Variants in COL25A1 observed in about 807,000 individuals in gnomAD.
The protein encoded by COL25A1 is collagen alpha-1(XXV) chain.
COL25A1 carries 103 observed loss-of-function variants against 128.4 expected under a neutral mutation model. The ratio of observed to expected loss-of-function variants is 0.80; its 90% CI spans 0.68 to 0.94. The LOEUF (loss-of-function observed/expected upper bound fraction) is 0.94. Ranked by LOEUF, COL25A1 falls within the 40% of genes least tolerant of loss-of-function variation. The probability of loss-of-function intolerance (pLI) is 0.00; values close to 1 mark genes in which losing one functional copy is unlikely to be tolerated. For synonymous variants in COL25A1, 279 were observed against 277.2 expected (o/e 1.01, Z -0.06); for missense variants, 745 against 840.0 (o/e 0.89, Z 1.40).
intron 5 of COL25A1, among the ~76,000 whole-genome samples, chr4:109,029,572 T>C (rs1256833937): frequency 6.6e-6 from 1 of 152,198 alleles, no homozygotes; most frequent in Non-Finnish European, 1.5e-5. Flanking sequence ...CTGTAGCTAA[T>C]TTATAAGTTA....
At chr4:108,818,686 T>C (rs529511867) in intron 36 of COL25A1, among the ~76,000 whole-genome samples, 4 of 151,990 alleles carry the variant, frequency 2.6e-5, no homozygotes, top group Non-Finnish European at 5.9e-5. Flanking sequence ...AAGAAGAAGG[T>C]TGGGGCTGCA....
intron 6 of COL25A1, among the ~76,000 whole-genome samples, chr4:109,002,110 G>A (rs1755489381): frequency 6.6e-6 from 1 of 152,192 alleles, no homozygotes; most frequent in African/African-American, 2.4e-5. Flanking sequence ...ACGGTTGGTA[G>A]GGATGTCAAT....
At chr4:108,983,107 C>T (rs554087499) in intron 6 of COL25A1, among the ~76,000 whole-genome samples, 10 of 152,166 alleles carry the variant, frequency 6.6e-5, no homozygotes, top group Non-Finnish European at 1.3e-4. Context: ...CCAATCAAAA[C>T]GAAGGGAACC....
At chr4:108,900,013 T>C (rs957379677) in intron 14 of COL25A1, among the ~76,000 whole-genome samples, 14 of 152,122 alleles carry the variant, frequency 9.2e-5, no homozygotes, top group African/African-American at 3.4e-4. Flanking sequence ...AAGATCAGAC[T>C]GCTTTGGAAA....
intron 8 of COL25A1, among the ~76,000 whole-genome samples, chr4:108,967,935 C>T (rs1165983022): frequency 6.6e-6 from 1 of 152,124 alleles, no homozygotes; most frequent in African/African-American, 2.4e-5. Flanking sequence ...AATCAATTAT[C>T]TCTTTACGCC....
intron 12 of COL25A1, among the ~76,000 whole-genome samples, chr4:108,920,033 A>G (rs1197477734): frequency 6.6e-6 from 1 of 152,178 alleles, no homozygotes; most frequent in Non-Finnish European, 1.5e-5. Flanking sequence ...AAGTGCTGGG[A>G]TTACAGGCAT....
intron 11 of COL25A1, among the ~76,000 whole-genome samples, chr4:108,924,333 A>C (rs1462532076): frequency 6.6e-6 from 1 of 152,216 alleles, no homozygotes; most frequent in East Asian, 1.9e-4. Context: ...TGAACACAGT[A>C]AGAAATTATA....
intron 6 of COL25A1, among the ~76,000 whole-genome samples, chr4:108,979,616 T>C (rs919724930): frequency 1.3e-5 from 2 of 152,188 alleles, no homozygotes; most frequent in African/African-American, 2.4e-5. Context: ...CCCGAGTGCC[T>C]GGAATAAGAA....
chr4:108,998,320 A>G, intron 6 of COL25A1, among the ~76,000 whole-genome samples: 1 of 152,186 alleles, frequency 6.6e-6, no homozygotes, highest in Non-Finnish European at 1.5e-5. Context: ...GCATTCCTAT[A>G]CACCAATAAT....
At chr4:109,133,963 C>T (rs1284068364) in intron 3 of COL25A1, among the ~76,000 whole-genome samples, 2 of 152,148 alleles carry the variant, frequency 1.3e-5, no homozygotes, top group African/African-American at 2.4e-5. Context: ...GCATTGAACA[C>T]ATCCTGGAAG....
At chr4:109,226,947 G>A (rs1474697662) in intron 3 of COL25A1, among the ~76,000 whole-genome samples, 1 of 152,136 alleles carries the variant, frequency 6.6e-6, no homozygotes, top group Non-Finnish European at 1.5e-5. Context: ...TGGTCAAAAC[G>A]TGAAATGCAA....
At chr4:108,913,504 C>G (rs897042198) in intron 13 of COL25A1, among the ~76,000 whole-genome samples, 2 of 151,960 alleles carry the variant, frequency 1.3e-5, no homozygotes, top group African/African-American at 4.8e-5. Context: ...GTGATCCACC[C>G]ACCTCGGCCT....
chr4:109,247,975 C>A (rs892503501), intron 3 of COL25A1, among the ~76,000 whole-genome samples: 1 of 152,046 alleles, frequency 6.6e-6, no homozygotes, highest in Non-Finnish European at 1.5e-5. Flanking sequence ...AAAGTAAGTT[C>A]ACGGAAGGAG....
chr4:108,947,922 T>C (rs1470444799), intron 8 of COL25A1, among the ~76,000 whole-genome samples: 2 of 152,158 alleles, frequency 1.3e-5, no homozygotes, highest in Non-Finnish European at 2.9e-5. Context: ...AGAAAAAATA[T>C]GCATTATGCT....
intron 3 of COL25A1, among the ~76,000 whole-genome samples, chr4:109,233,856 C>T (rs764438744): frequency 9.2e-5 from 14 of 152,100 alleles, no homozygotes; most frequent in Non-Finnish European, 1.8e-4. Flanking sequence ...AACTCTGTCA[C>T]CCTTTTCCAT....
intron 13 of COL25A1, among the ~76,000 whole-genome samples, chr4:108,914,503 C>A (rs1744630299): frequency 6.6e-6 from 1 of 152,090 alleles, no homozygotes; most frequent in Non-Finnish European, 1.5e-5. Flanking sequence ...AGCTGGGGAC[C>A]TTAGTCCTTA....
In COL25A1 at chr4:109,202,337, A is replaced by G. The variant is rs117083032; in HGVS notation, c.367+98246T>C. ...ATAGCCAATTGATCATTGACAAATG[A>G]GCAATGGCAACTCAATGGAGAATGT... On this transcript the variant is annotated intron_variant, in intron 3 of 37. Coordinates refer to ENST00000399132, the MANE Select transcript of COL25A1 (RefSeq NM_198721.4). Among the ~76,000 whole-genome samples, 1,287 of 152,196 alleles carry G rather than the reference A, an allele frequency of 8.5e-3. 58 individuals are homozygous for G. The South Asian group carries it at 0.14, about 16-fold the overall frequency.
rs145394895 is a variant in COL25A1, at chr4:108,916,426, A to C, written c.780+1746T>G. 3.3e-5 allele frequency among the ~76,000 whole-genome samples: 5 copies of C among 152,354 alleles called. No individual in the cohort carries two copies. In the East Asian group the frequency reaches 7.7e-4, roughly 23 times the overall value. On this transcript the variant is annotated intron_variant, in intron 13 of 37. Transcript: ENST00000399132. The stretch of plus-strand genomic sequence containing the variant: ...GCATATTTCCTTTGCAAAAATAAAG[A>C]ATATGCAGTCTTTGAAAGAGTGTAT...
At chr4:109,103,266 A>C (rs901133956) in intron 3 of COL25A1, among the ~76,000 whole-genome samples, 3 of 152,182 alleles carry the variant, frequency 2.0e-5, no homozygotes, top group African/African-American at 7.2e-5. Context: ...CTTTGCACCA[A>C]ATTATATTTT....
Sources: allele counts gnomAD v4.1 joint callset (sites outside exome capture counted in the v4.1 genomes callset), GRCh38; gene constraint gnomAD v4.1.1; transcripts MANE v1.5; gene names NCBI Gene and HGNC (gene_info 2026-07-23, HGNC 2026-07-21).